Variants in COPG2 observed in about 807,000 individuals in gnomAD.
COPG2 encodes coat protein complex I subunit gamma 2.
Under a neutral mutation model 46.3 loss-of-function variants are expected in COPG2, and 37 were observed. The observed-to-expected ratio is 0.80, with a 90% CI of 0.61 to 1.05. The LOEUF (loss-of-function observed/expected upper bound fraction) is 1.05, where lower values mean the gene tolerates loss of function less well. Ranked by LOEUF, COPG2 falls within the 50% of genes least tolerant of loss-of-function variation. COPG2 has a pLI of 0.00. For synonymous variants in COPG2, 159 were observed against 129.7 expected (o/e 1.23, Z -1.53); for missense variants, 427 against 387.8 (o/e 1.10, Z -0.85).
At chr7:130,569,520 A>T (rs1368529402) in intron 9 of COPG2, among the ~76,000 whole-genome samples, 1 of 152,112 alleles carries the variant, frequency 6.6e-6, no homozygotes, top group Admixed American at 6.6e-5. Flanking sequence ...GGAAATAGAA[A>T]CTCTGAACAG....
intron 5 of COPG2, among the ~76,000 whole-genome samples, chr7:130,639,816 C>T (rs1271507051): frequency 2.0e-5 from 3 of 152,310 alleles, no homozygotes; most frequent in South Asian, 2.1e-4. Context: ...CAGTCAAAGA[C>T]ACCTTTCCCA....
chr7:130,577,784 A>AAC (rs1209380623), intron 9 of COPG2, among the ~76,000 whole-genome samples: 8 of 150,320 alleles, frequency 5.3e-5, no homozygotes, highest in African/African-American at 2.0e-4. Flanking sequence ...AAAAAAAAAA[A>AAC]AAAACAAAAA....
chr7:130,629,922 C>CTT (rs782471896), intron 5 of COPG2, among the ~76,000 whole-genome samples: 1 of 142,580 alleles, frequency 7.0e-6, no homozygotes. Context: ...CTTTCCTTTC[C>CTT]TTTTTTTTTT....
chr7:130,659,112 T>C (rs897401288), intron 4 of COPG2, among the ~76,000 whole-genome samples: 2 of 151,688 alleles, frequency 1.3e-5, no homozygotes, highest in Non-Finnish European at 2.9e-5. Flanking sequence ...TCCCAGCACT[T>C]TGGGAGGCTG....
At position 130,642,740 on chromosome 7, in the gene COPG2, C is replaced by T. The variant is rs944111556; in HGVS notation, c.323+10129G>A. Among the ~76,000 whole-genome samples the T allele has an allele frequency of 4.6e-5, 7 of 152,136 alleles. No individual in the cohort carries two copies. The East Asian group carries it at 5.8e-4, about 13-fold the overall frequency. ...AAATGGAATTAAAAAATAAACCTAA[C>T]GGCTGAGCACAGTAGCTCACGCCTG... On this transcript the variant is annotated intron_variant, in intron 5 of 23. Transcript: ENST00000425248.
chr7:130,611,997 CATA>C (rs1178357014), intron 8 of COPG2, among the ~76,000 whole-genome samples, 152 bp downstream of exon 8: 13 of 152,196 alleles, frequency 8.5e-5, no homozygotes, highest in African/African-American at 3.1e-4. Context: ...TGGCAGTAAT[CATA>C]ATTAGTGAGA....
At chr7:130,667,594 C>T (rs1444378854) in intron 1 of COPG2, 60 bp from the exon 2 acceptor site, 5 of 1,385,576 alleles carry the variant, frequency 3.6e-6, no homozygotes, top group Admixed American at 3.4e-5. Flanking sequence ...AACTTATATA[C>T]TTTCCAGAGA....
intron 16 of COPG2, 24 bp downstream of exon 16, chr7:130,551,217 T>C (rs1793531146): frequency 2.5e-6 from 1 of 398,426 alleles, no homozygotes; most frequent in African/African-American, 2.1e-5. Flanking sequence ...GGAACAAAAG[T>C]GTACATCCTT....
chr7:130,651,335 G>A (rs1554459028), intron 5 of COPG2, among the ~76,000 whole-genome samples: 2 of 141,680 alleles, frequency 1.4e-5, no homozygotes, highest in Non-Finnish European at 3.1e-5. Flanking sequence ...TTTTTTTTCT[G>A]AGACTGAGTC....
chr7:130,662,592 C>T (rs1372580990), intron 4 of COPG2, among the ~76,000 whole-genome samples: 1 of 152,200 alleles, frequency 6.6e-6, no homozygotes, highest in Non-Finnish European at 1.5e-5. Flanking sequence ...CACTCCACAT[C>T]CAGCTCTTCT....
At chr7:130,574,653 C>G (rs1434786908) in intron 9 of COPG2, among the ~76,000 whole-genome samples, 4 of 151,792 alleles carry the variant, frequency 2.6e-5, no homozygotes, top group Non-Finnish European at 5.9e-5. Flanking sequence ...ACCTCCCCCC[C>G]CAAAAAAATT....
chr7:130,515,939 T>C (rs1384713853), intron 20 of COPG2, among the ~76,000 whole-genome samples: 2 of 151,698 alleles, frequency 1.3e-5, no homozygotes, highest in Non-Finnish European at 2.9e-5. Flanking sequence ...TAGGTAAGAA[T>C]TGAGGTTATG....
chr7:130,604,670 C>T (rs1483894791), intron 9 of COPG2: 5 of 500,724 alleles, frequency 1.0e-5, no homozygotes, highest in Non-Finnish European at 1.6e-5. Flanking sequence ...ATTTTCTTCA[C>T]TTATTGCACA....
chr7:130,607,876 G>A (rs1043984040), intron 9 of COPG2: 4 of 503,924 alleles, frequency 7.9e-6, no homozygotes, highest in Admixed American at 2.1e-5. Flanking sequence ...TATAGCTTTT[G>A]TCTTTCAGGC....
intron 4 of COPG2, among the ~76,000 whole-genome samples, chr7:130,658,940 A>G (rs1554460248): frequency 6.6e-6 from 1 of 152,040 alleles, no homozygotes; most frequent in Non-Finnish European, 1.5e-5. Flanking sequence ...TCAGCCTCCT[A>G]AAGTGCTGAG....
At chr7:130,559,863 T>C (rs1371693889) in intron 12 of COPG2, among the ~76,000 whole-genome samples, 3 of 152,228 alleles carry the variant, frequency 2.0e-5, no homozygotes, top group African/African-American at 7.2e-5. Context: ...TAGGGTTAGT[T>C]ATATTACTTG....
chr7:130,531,068 A>T (rs1432945049), intron 20 of COPG2, among the ~76,000 whole-genome samples: 2 of 55,380 alleles, frequency 3.6e-5, no homozygotes, highest in African/African-American at 1.4e-4. Flanking sequence ...GGTGGTGGGG[A>T]TGGGGTTCGG....
chr7:130,589,861 A>G (rs895903957), intron 9 of COPG2, among the ~76,000 whole-genome samples: 3 of 152,094 alleles, frequency 2.0e-5, no homozygotes, highest in Non-Finnish European at 1.5e-5. Flanking sequence ...CTCCATCAGG[A>G]TATCTTTTCT....
chr7:130,509,050 A>C (rs533522267), intron 20 of COPG2: 1 of 474,220 alleles, frequency 2.1e-6, no homozygotes, highest in Non-Finnish European at 4.2e-6. Flanking sequence ...CAAAAAAAAA[A>C]CCTGTGGTAA....
Sources: gnomAD v4.1 joint callset for allele counts (sites outside exome capture counted in the v4.1 genomes callset) on GRCh38, gnomAD v4.1.1 for gene constraint, MANE v1.5 for transcripts, NCBI Gene and HGNC (gene_info 2026-07-23, HGNC 2026-07-21) for gene names.